The following SLC14A2 variants were observed in gnomAD, a reference collection of about 807,000 sequenced individuals.
SLC14A2 encodes urea transporter 2.
Under a neutral mutation model 104.6 loss-of-function variants are expected in SLC14A2, and 91 were observed. That is an observed-to-expected ratio of 0.87 (90% CI 0.73 to 1.04). SLC14A2 has a LOEUF of 1.04. SLC14A2 is among the 50% of genes least tolerant of loss of function. SLC14A2 has a pLI of 0.00. For synonymous variants in SLC14A2, 476 were observed against 466.4 expected (o/e 1.02, Z -0.27); for missense variants, 1,189 against 1,156.0 (o/e 1.03, Z -0.41).
intron 16 of SLC14A2, among the ~76,000 whole-genome samples, chr18:45,670,192 TTCTA>T (rs1368125062): frequency 2.0e-5 from 3 of 152,212 alleles, no homozygotes; most frequent in Admixed American, 6.5e-5. Context: ...TCAGGGCTTT[TTCTA>T]CTACACCATG....
chr18:45,463,066 C>T (rs1197270885), intron 1 of SLC14A2, among the ~76,000 whole-genome samples: 3 of 152,168 alleles, frequency 2.0e-5, no homozygotes, highest in African/African-American at 7.2e-5. Flanking sequence ...AGGAAGTATA[C>T]AGGCAGGTTC....
rs553640156 is a variant in SLC14A2 at position 45,562,405 on chromosome 18, T to C, written c.-34-62226T>C. ...CTTTCCTAAAGGAACTTGATCTTGA[T>C]AGGGGTCTTGAAGAAAATACAAGCT... is the stretch of plus-strand genomic sequence containing the variant. On this transcript the variant is annotated intron_variant, in intron 2 of 20. Coordinates refer to the SLC14A2 transcript ENST00000586448. Among the ~76,000 whole-genome samples the C allele has an allele frequency of 9.2e-5, 14 of 152,318 alleles. No individual in the cohort carries two copies. In the South Asian group the frequency reaches 2.9e-3, roughly 32 times the overall value.
At chr18:45,460,161 GA>G (rs1235041624) in intron 1 of SLC14A2, among the ~76,000 whole-genome samples, 1 of 152,168 alleles carries the variant, frequency 6.6e-6, no homozygotes, top group Non-Finnish European at 1.5e-5. Flanking sequence ...ATTCCCACCT[GA>G]AAGGAAATAA....
chr18:45,223,256 A>G (rs963809053), intron 1 of SLC14A2, among the ~76,000 whole-genome samples: 3 of 152,152 alleles, frequency 2.0e-5, no homozygotes, highest in Non-Finnish European at 4.4e-5. Context: ...GGAGCTCACA[A>G]TCACTGCGTG....
chr18:45,517,548 A>C lies in SLC14A2; in HGVS notation c.-35+34226A>C, dbSNP rs146541067. Among the ~76,000 whole-genome samples, 709 of 152,332 alleles carry C rather than the reference A, an allele frequency of 4.7e-3. 2 individuals are homozygous for C. The highest frequency in any genetic ancestry group is 0.016 in the African/African-American group (681 of 41,580). ...TCTTTTAATTGTGGCATTAAACCTC[A>C]GGCTGGAATTGCATCAACATTCATG... On this transcript the variant is annotated intron_variant, in intron 2 of 20. Transcript: ENST00000586448.
chr18:45,393,550 A>G (rs1355635031), intron 1 of SLC14A2, among the ~76,000 whole-genome samples: 1 of 152,232 alleles, frequency 6.6e-6, no homozygotes, highest in Middle Eastern at 3.2e-3. Context: ...AAAGCCTGGC[A>G]CATGGAAATA....
chr18:45,463,266 G>C (rs1484073575), intron 1 of SLC14A2, among the ~76,000 whole-genome samples: 1 of 152,294 alleles, frequency 6.6e-6, no homozygotes, highest in Admixed American at 6.5e-5. Context: ...GCCTGGTGTG[G>C]AGCAGTGATA....
intron 1 of SLC14A2, among the ~76,000 whole-genome samples, chr18:45,231,403 G>A (rs1483127311): frequency 6.6e-6 from 1 of 152,046 alleles, no homozygotes; most frequent in Non-Finnish European, 1.5e-5. Context: ...AGCTCTTGCT[G>A]TGTAGTCCAG....
intron 1 of SLC14A2, among the ~76,000 whole-genome samples, chr18:45,286,153 G>T (rs1280107126): frequency 6.6e-6 from 1 of 152,136 alleles, no homozygotes; most frequent in Non-Finnish European, 1.5e-5. Flanking sequence ...TCCAAGACTG[G>T]TCTTCCAAAC....
intron 2 of SLC14A2, among the ~76,000 whole-genome samples, 153 bp downstream of exon 2, chr18:45,624,967 G>A (rs1215090283): frequency 1.3e-5 from 2 of 152,154 alleles, no homozygotes; most frequent in African/African-American, 4.8e-5. Flanking sequence ...GGTCCTACCT[G>A]GCCTTAGATA....
intron 1 of SLC14A2, among the ~76,000 whole-genome samples, chr18:45,445,075 G>T (rs2086743363): frequency 6.8e-6 from 1 of 146,532 alleles, no homozygotes; most frequent in Non-Finnish European, 1.5e-5. Context: ...TAAATGTGCA[G>T]ATGTTTAACT....
intron 1 of SLC14A2, among the ~76,000 whole-genome samples, chr18:45,306,192 GA>G (rs1282993164): frequency 6.6e-6 from 1 of 152,174 alleles, no homozygotes; most frequent in Non-Finnish European, 1.5e-5. Flanking sequence ...ACTGCAGTGA[GA>G]GGGAATGTTG....
At chr18:45,492,229 T>C (rs1238447852) in intron 2 of SLC14A2, 1 of 152,356 alleles carries the variant, frequency 6.6e-6, no homozygotes, top group East Asian at 1.9e-4. Context: ...TTAACTTGCA[T>C]GGACATTTTT....
chr18:45,404,322 A>T (rs757093934), intron 1 of SLC14A2, among the ~76,000 whole-genome samples: 29 of 152,208 alleles, frequency 1.9e-4, no homozygotes, highest in Non-Finnish European at 3.5e-4. Context: ...ATGTAATAGT[A>T]AGGCTATATT....
intron 1 of SLC14A2, among the ~76,000 whole-genome samples, chr18:45,405,042 A>G (rs916278519): frequency 6.6e-6 from 1 of 152,144 alleles, no homozygotes; most frequent in Non-Finnish European, 1.5e-5. Flanking sequence ...GAAAAATTCT[A>G]AATTAGAAGA....
chr18:45,621,764 G>GA lies in SLC14A2; in HGVS notation c.-34-2862dup, dbSNP rs920864647. On this transcript the variant is annotated intron_variant, in intron 1 of 19. Coordinates refer to ENST00000255226, the MANE Select transcript of SLC14A2 (RefSeq NM_007163.4). Reference sequence around the variant, plus strand: ...AATAAATATACAAATCTGCTATAAGGAAAAATACCTGGTCCCATGAGAGTA... The same window carrying GA: ...AATAAATATACAAATCTGCTATAAGGAAAAAATACCTGGTCCCATGAGAGTA... Among the ~76,000 whole-genome samples the GA allele has an allele frequency of 3.3e-5, 5 of 152,312 alleles. No individual in the cohort carries two copies. In the South Asian group the frequency reaches 8.3e-4, roughly 25 times the overall value.
chr18:45,602,694 T>C (rs948667365), intron 2 of SLC14A2, among the ~76,000 whole-genome samples: 3 of 152,332 alleles, frequency 2.0e-5, no homozygotes, highest in African/African-American at 7.2e-5. Flanking sequence ...ACTCAGGCTC[T>C]TTCAAAGAAT....
chr18:45,354,984 T>C (rs2085537908), intron 1 of SLC14A2, among the ~76,000 whole-genome samples: 1 of 152,156 alleles, frequency 6.6e-6, no homozygotes, highest in Non-Finnish European at 1.5e-5. Flanking sequence ...CATATATTGG[T>C]AGAACTGAGG....
chr18:45,346,980 A>AAAATAAAAATAAATAAAT (rs769804768), intron 1 of SLC14A2, among the ~76,000 whole-genome samples: 29 of 111,332 alleles, frequency 2.6e-4, no homozygotes, highest in African/African-American at 1.4e-3. Context: ...AATAAAAATA[A>AAAATAAAAATAAATAAAT]AAATAAATAA....
Sources: gnomAD v4.1 joint callset for allele counts (sites outside exome capture counted in the v4.1 genomes callset) on GRCh38, gnomAD v4.1.1 for gene constraint, MANE v1.5 for transcripts, NCBI Gene and HGNC (gene_info 2026-07-23, HGNC 2026-07-21) for gene names.